Variants in SIPA1L2 observed in about 807,000 individuals in gnomAD.
The protein encoded by SIPA1L2 is signal induced proliferation associated 1 like 2.
A neutral mutation model predicts 163.9 loss-of-function variants in SIPA1L2; 56 were observed. That is an observed-to-expected ratio of 0.34 (90% CI 0.28 to 0.43). The LOEUF (loss-of-function observed/expected upper bound fraction) is 0.43, where lower values mean the gene tolerates loss of function less well. Among genes scored for constraint, SIPA1L2 ranks in the 20% least tolerant of loss-of-function variants. The probability of loss-of-function intolerance (pLI) is 1.00; values close to 1 mark genes in which losing one functional copy is unlikely to be tolerated. For missense variants in SIPA1L2, 1,974 were observed against 2,193.5 expected, an observed-to-expected ratio of 0.90 and a Z score of 2.00; for synonymous variants, 877 against 865.7, an observed-to-expected ratio of 1.01 and a Z score of -0.23.
intron 1 of SIPA1L2, among the ~76,000 whole-genome samples, chr1:232,612,839 G>T (rs1394146984): frequency 6.6e-6 from 1 of 151,630 alleles, no homozygotes; most frequent in Admixed American, 6.6e-5. Flanking sequence ...CAGGACATGA[G>T]ATTTGGAGAG....
intron 1 of SIPA1L2, among the ~76,000 whole-genome samples, chr1:232,584,791 T>C (rs1406094949): frequency 6.6e-6 from 1 of 152,112 alleles, no homozygotes; most frequent in Non-Finnish European, 1.5e-5. Flanking sequence ...CTGTGAAGAG[T>C]TAGGTCAACC....
intron 18 of SIPA1L2, among the ~76,000 whole-genome samples, chr1:232,423,412 T>C (rs1227346701): frequency 6.6e-6 from 1 of 152,188 alleles, no homozygotes; most frequent in African/African-American, 2.4e-5. Flanking sequence ...AAACTTTCCA[T>C]GGACAGGAGG....
rs1458627191 is a variant in SIPA1L2 at position 232,461,198 on chromosome 1, G to C, written c.2821-37C>G. On this transcript the variant is annotated intron_variant, in intron 9 of 22. Transcript: ENST00000674635. ...GGAGACTGTTAGAGATGCCCTTCCT[G>C]CCCAAGCTGCCATGGGGCTCTGCCA... 6 of 1,595,552 alleles carry C rather than the reference G, an allele frequency of 3.8e-6. 1 individual carries two copies. The South Asian group carries it at 6.9e-5, about 18-fold the overall frequency.
At chr1:232,535,506 T>A (rs1657249440) in intron 2 of SIPA1L2, among the ~76,000 whole-genome samples, 1 of 152,180 alleles carries the variant, frequency 6.6e-6, no homozygotes, top group Admixed American at 6.5e-5. Context: ...AAGCCAAATG[T>A]CTAGAAATTA....
intron 4 of SIPA1L2, among the ~76,000 whole-genome samples, chr1:232,491,876 T>C (rs1179640355): frequency 6.6e-6 from 1 of 152,200 alleles, no homozygotes; most frequent in East Asian, 1.9e-4. Flanking sequence ...GAGGACAATG[T>C]TCTCTATCTA....
intron 2 of SIPA1L2, among the ~76,000 whole-genome samples, chr1:232,526,580 C>A (rs778900703): frequency 6.6e-6 from 1 of 152,164 alleles, no homozygotes; most frequent in Non-Finnish European, 1.5e-5. Flanking sequence ...GCCTGCTGCT[C>A]GCCTCCTTCT....
At chr1:232,478,340 C>A (rs576051718) in intron 7 of SIPA1L2, among the ~76,000 whole-genome samples, 1 of 152,056 alleles carries the variant, frequency 6.6e-6, no homozygotes, top group Non-Finnish European at 1.5e-5. Context: ...GCAAGAAAAT[C>A]CAGCTAGCAG....
At chr1:232,573,066 TC>T (rs1659889763) in intron 2 of SIPA1L2, among the ~76,000 whole-genome samples, 1 of 151,870 alleles carries the variant, frequency 6.6e-6, no homozygotes, top group Non-Finnish European at 1.5e-5. Context: ...CAGGTTTGAG[TC>T]ACTGTGCCCG....
chr1:232,558,186 C>CGAGGTAAGATTT (rs1658824258), intron 2 of SIPA1L2, among the ~76,000 whole-genome samples: 1 of 152,056 alleles, frequency 6.6e-6, no homozygotes, highest in East Asian at 1.9e-4. Context: ...CAAGAAGCCT[C>CGAGGTAAGATTT]GAGGTAAGAT....
At chr1:232,463,848 C>T (rs1664370933) in intron 9 of SIPA1L2, among the ~76,000 whole-genome samples, 1 of 152,078 alleles carries the variant, frequency 6.6e-6, no homozygotes, top group Non-Finnish European at 1.5e-5. Flanking sequence ...ACACTGAGGC[C>T]CTTTACTGTA....
At chr1:232,527,725 CTTTTT>C (rs57868657) in intron 2 of SIPA1L2, among the ~76,000 whole-genome samples, 29 of 80,950 alleles carry the variant, frequency 3.6e-4, no homozygotes, top group African/African-American at 7.3e-4. Flanking sequence ...TCTTCTTCTT[CTTTTT>C]TTTTTTTTTT....
rs186375970 is a variant in SIPA1L2, at chr1:232,555,561, T to G, written c.-270+18613A>C. 1.6e-3 allele frequency among the ~76,000 whole-genome samples: 246 copies of G among 152,340 alleles called. 5 individuals are homozygous for G. Among genetic ancestry groups the G allele is most frequent in the Admixed American group, 0.015 (234 of 15,300 alleles). On this transcript the variant is annotated intron_variant, in intron 2 of 22. Transcript: ENST00000674635. ...AGTCTAAGACAAAGCAGACAGCTGA[T>G]AAACAATCCACTTTCTTCAGCCCCC...
At chr1:232,528,962 A>T (rs532287268) in intron 2 of SIPA1L2, among the ~76,000 whole-genome samples, 1 of 152,312 alleles carries the variant, frequency 6.6e-6, no homozygotes, top group Admixed American at 6.5e-5. Flanking sequence ...AGAACATGAG[A>T]TCTTAAGGGA....
In SIPA1L2 at chr1:232,479,613, TGGGGAGG is replaced by T; in HGVS notation, c.2085+7_2085+13del. On this transcript the variant is annotated splice_region_variant and intron_variant, in intron 7 of 22. Coordinates refer to ENST00000674635, the MANE Select transcript of SIPA1L2 (RefSeq NM_020808.5). ...ATACTCAGCGTAAAAAGCTCCAGGC[TGGGGAGG>T]ACATACCTGTTGTCTGTTGTTGGGC... The T allele has an allele frequency of 6.2e-7, 1 of 1,607,884 alleles. No homozygotes were observed. Among genetic ancestry groups the T allele is most frequent in the South Asian group, 1.1e-5 (1 of 90,946 alleles).
At chr1:232,577,033 T>C (rs568312154) in intron 1 of SIPA1L2, among the ~76,000 whole-genome samples, 3 of 152,144 alleles carry the variant, frequency 2.0e-5, no homozygotes, top group East Asian at 1.9e-4. Flanking sequence ...AGACGTCCTA[T>C]AGGGCTTTCA....
intron 3 of SIPA1L2, among the ~76,000 whole-genome samples, chr1:232,505,127 T>G (rs1342330622): frequency 6.6e-6 from 1 of 152,194 alleles, no homozygotes; most frequent in East Asian, 1.9e-4. Flanking sequence ...AAAGGCTTCT[T>G]TTCATAACCT....
At chr1:232,460,470 T>A (rs1274705151) in intron 10 of SIPA1L2, among the ~76,000 whole-genome samples, 1 of 152,202 alleles carries the variant, frequency 6.6e-6, no homozygotes, top group East Asian at 1.9e-4. Flanking sequence ...AAATATTTTT[T>A]AAATAATCAA....
intron 2 of SIPA1L2, among the ~76,000 whole-genome samples, chr1:232,566,784 C>A (rs1659431087): frequency 6.6e-6 from 1 of 152,130 alleles, no homozygotes; most frequent in Admixed American, 6.6e-5. Context: ...TCAAGCAGGG[C>A]TTTAGGTTAC....
At chr1:232,553,958 C>A (rs988709439) in intron 2 of SIPA1L2, among the ~76,000 whole-genome samples, 4 of 152,114 alleles carry the variant, frequency 2.6e-5, no homozygotes, top group Non-Finnish European at 5.9e-5. Flanking sequence ...TAAGAAGTTA[C>A]CAAGCAGCAA....
Sources: allele counts gnomAD v4.1 joint callset (sites outside exome capture counted in the v4.1 genomes callset), GRCh38; gene constraint gnomAD v4.1.1; transcripts MANE v1.5; gene names NCBI Gene and HGNC (gene_info 2026-07-23, HGNC 2026-07-21).